Variants in POLQ observed in about 807,000 individuals in gnomAD.
POLQ encodes the protein DNA polymerase theta.
In POLQ, 233 loss-of-function variants were observed where a neutral mutation model predicts 259.2. That is an observed-to-expected ratio of 0.90 (90% confidence interval 0.81 to 1.00). POLQ has a LOEUF of 1.00. Ranked by LOEUF, POLQ falls within the 50% of genes least tolerant of loss-of-function variation. POLQ has a pLI of 0.00. For missense variants in POLQ, 2,871 were observed against 3,051.6 expected (o/e 0.94, Z 1.39); for synonymous variants, 1,025 against 1,048.8 (o/e 0.98, Z 0.44).
chr3:121,446,533 A>G (rs2047633837), intron 26 of POLQ, among the ~76,000 whole-genome samples: 4 of 152,136 alleles, frequency 2.6e-5, no homozygotes, highest in Admixed American at 2.6e-4. Flanking sequence ...GGGTGTTGAA[A>G]TCTCCAGTTA....
intron 27 of POLQ, among the ~76,000 whole-genome samples, chr3:121,437,961 C>T: frequency 6.6e-6 from 1 of 152,110 alleles, no homozygotes; most frequent in East Asian, 1.9e-4. Context: ...GAAGTTATAA[C>T]AGTGGCTATT....
intron 26 of POLQ, among the ~76,000 whole-genome samples, chr3:121,446,877 C>T (rs542021722): frequency 6.6e-6 from 1 of 151,734 alleles, no homozygotes; most frequent in African/African-American, 2.4e-5. Context: ...ATCATTGGGT[C>T]TTGTTTTTCT....
intron 22 of POLQ, among the ~76,000 whole-genome samples, chr3:121,471,429 A>G (rs1560092380): frequency 6.6e-6 from 1 of 152,004 alleles, no homozygotes; most frequent in Non-Finnish European, 1.5e-5. Context: ...CATCCCAGTT[A>G]CTCTATACAA....
intron 10 of POLQ, among the ~76,000 whole-genome samples, chr3:121,510,464 C>T (rs945459781): frequency 6.6e-6 from 1 of 151,986 alleles, no homozygotes; most frequent in African/African-American, 2.4e-5. Context: ...GTAGTCCCAG[C>T]TACTTGGGAG....
chr3:121,505,715 A>C (rs2048203334), intron 12 of POLQ, among the ~76,000 whole-genome samples: 1 of 152,022 alleles, frequency 6.6e-6, no homozygotes, highest in African/African-American at 2.4e-5. Flanking sequence ...AGCAGAGCTC[A>C]AAATAGGGGC....
At chr3:121,515,802 G>T (rs3886541) in intron 9 of POLQ, among the ~76,000 whole-genome samples, 41,163 of 151,850 alleles carry the variant, frequency 0.27, 5,957 homozygotes, top group Middle Eastern at 0.36. Context: ...ACCTTCAAAA[G>T]AAACTAACAA....
intron 26 of POLQ, 142 bp from the exon 27 acceptor site, chr3:121,440,258 CT>C: frequency 1.7e-6 from 1 of 571,968 alleles, no homozygotes; most frequent in Non-Finnish European, 3.0e-6. Context: ...GGCATGCGAA[CT>C]TTCATTCACT....
chr3:121,495,705 C>T (rs1485500836), intron 14 of POLQ, among the ~76,000 whole-genome samples: 3 of 151,156 alleles, frequency 2.0e-5, no homozygotes, highest in African/African-American at 4.9e-5. Context: ...AAAAATTAGC[C>T]GGGCGTGGTG....
At chr3:121,486,595 G>A (rs1474301573) in intron 16 of POLQ, among the ~76,000 whole-genome samples, 1 of 152,014 alleles carries the variant, frequency 6.6e-6, no homozygotes, top group African/African-American at 2.4e-5. Context: ...TGGGCGCAGT[G>A]GCTCATGCCG....
intron 27 of POLQ, 88 bp from the exon 28 acceptor site, chr3:121,436,363 T>G: frequency 3.1e-6 from 4 of 1,292,150 alleles, no homozygotes; most frequent in Non-Finnish European, 3.3e-6. Flanking sequence ...GTGCTCACAT[T>G]TGCAGCCAGA....
At chr3:121,491,124 G>A (rs2048065067) in intron 15 of POLQ, among the ~76,000 whole-genome samples, 1 of 151,640 alleles carries the variant, frequency 6.6e-6, no homozygotes, top group Non-Finnish European at 1.5e-5. Flanking sequence ...AGGCCAAGGT[G>A]GGTAGATCAC....
intron 26 of POLQ, among the ~76,000 whole-genome samples, chr3:121,448,799 G>A (rs754677131): frequency 6.6e-6 from 1 of 152,102 alleles, no homozygotes; most frequent in Non-Finnish European, 1.5e-5. Context: ...TAAATTTTAT[G>A]ACCATATGCA....
intron 15 of POLQ, among the ~76,000 whole-genome samples, chr3:121,491,695 A>T (rs1055350672): frequency 6.6e-6 from 1 of 152,148 alleles, no homozygotes; most frequent in Admixed American, 6.5e-5. Context: ...ACAACTCGTA[A>T]TTCTTCATAT....
At chr3:121,486,783 AAC>A (rs2048015128) in intron 16 of POLQ, among the ~76,000 whole-genome samples, 1 of 151,750 alleles carries the variant, frequency 6.6e-6, no homozygotes, top group African/African-American at 2.4e-5. Flanking sequence ...GAATTGCTTG[AAC>A]TCAGAAGGTG....
chr3:121,490,502 GA>G, intron 15 of POLQ, 94 bp from the exon 16 acceptor site: 6 of 986,768 alleles, frequency 6.1e-6, no homozygotes, highest in Non-Finnish European at 9.2e-6. Context: ...ACCAGGAACT[GA>G]AAAAATAACA....
At chr3:121,515,540 T>C (rs2048288885) in intron 9 of POLQ, among the ~76,000 whole-genome samples, 1 of 152,234 alleles carries the variant, frequency 6.6e-6, no homozygotes, top group South Asian at 2.1e-4. Context: ...TGGGTTCACC[T>C]GATAGCAGAG....
intron 14 of POLQ, chr3:121,494,325 G>C (rs1230083121): frequency 6.3e-6 from 10 of 1,597,890 alleles, no homozygotes; most frequent in African/African-American, 2.7e-5. Context: ...CTCTATAAGC[G>C]GCTGAAAGTG....
chr3:121,468,453 A>G (rs768860607), intron 22 of POLQ, 22 bp from the exon 23 acceptor site: 1 of 1,569,694 alleles, frequency 6.4e-7, no homozygotes, highest in South Asian at 1.1e-5. Context: ...CAGAATAAAG[A>G]CATAAAATCA....
At chr3:121,470,027 G>A (rs1032539574) in intron 22 of POLQ, among the ~76,000 whole-genome samples, 2 of 152,124 alleles carry the variant, frequency 1.3e-5, no homozygotes, top group East Asian at 3.9e-4. Context: ...CTAGGTTGCT[G>A]GGCGTGGTGG....
Sources: gnomAD v4.1 joint callset for allele counts (sites outside exome capture counted in the v4.1 genomes callset) on GRCh38, gnomAD v4.1.1 for gene constraint, MANE v1.5 for transcripts, NCBI Gene and HGNC (gene_info 2026-07-23, HGNC 2026-07-21) for gene names.